TMC5: variants seen among roughly 807,000 people sequenced by gnomAD.
TMC5 encodes the protein transmembrane channel like 5.
TMC5 carries 86 observed loss-of-function variants against 110.5 expected under a neutral mutation model. The ratio of observed to expected loss-of-function variants is 0.78; its 90% CI spans 0.65 to 0.93. The LOEUF is 0.93. Among genes scored for constraint, TMC5 ranks in the 40% least tolerant of loss-of-function variants. The pLI, the probability that TMC5 is intolerant of heterozygous loss-of-function variation, is 0.00. For synonymous variants in TMC5, 455 were observed against 439.5 expected (o/e 1.04, Z -0.44); for missense variants, 1,144 against 1,222.8 (o/e 0.94, Z 0.96).
chr16:19,455,206 G>C, intron 5 of TMC5, among the ~76,000 whole-genome samples: 1 of 151,922 alleles, frequency 6.6e-6, no homozygotes, highest in South Asian at 2.1e-4. Flanking sequence ...TCAGCACTTT[G>C]GGAGGCTGAG....
At position 19,473,491 on chromosome 16, in the gene TMC5, C is replaced by T. The variant is rs778914104; in HGVS notation, c.1939-634C>T. Among the ~76,000 whole-genome samples the T allele has an allele frequency of 2.1e-4, 31 of 150,716 alleles. 1 individual carries two copies. The highest frequency in any genetic ancestry group is 3.7e-4 in the Non-Finnish European group (25 of 67,920). On this transcript the variant is annotated intron_variant, in intron 11 of 21. Transcript: ENST00000542583. Reference sequence around the variant, plus strand: ...CACTTATGCTAAACAGGAGGGAGCACATCCTCATTGCCCTGGGCATCTTGG... The same window carrying T: ...CACTTATGCTAAACAGGAGGGAGCATATCCTCATTGCCCTGGGCATCTTGG...
chr16:19,444,136 C>CCCGT lies in TMC5; in HGVS notation c.845_848dup (p.Gly284ArgfsTer9). ...CTCATTTCGTCACAGGAGTGATGAC[C>CCCGT]CCGTGGGCAGTCTTTGGGGAGAGAA... On this transcript the variant is annotated frameshift_variant, in exon 4 of 22. Transcript: ENST00000542583. LOFTEE classifies it high-confidence loss of function. The CCCGT allele has an allele frequency of 6.2e-7, 1 of 1,614,006 alleles. No homozygotes were observed. The highest frequency in any genetic ancestry group is 8.5e-7 in the Non-Finnish European group (1 of 1,179,982).
chr16:19,485,550 G>A (rs922124179), intron 15 of TMC5, among the ~76,000 whole-genome samples: 5 of 151,964 alleles, frequency 3.3e-5, no homozygotes, highest in Non-Finnish European at 2.9e-5. Flanking sequence ...TGCCCGCTTC[G>A]GCCTCCAAAA....
intron 4 of TMC5, among the ~76,000 whole-genome samples, chr16:19,447,199 C>T (rs1967634032): frequency 6.6e-6 from 1 of 152,146 alleles, no homozygotes; most frequent in Non-Finnish European, 1.5e-5. Context: ...GTGCTTGGCT[C>T]TACGTCATGG....
rs113749597 is a variant in TMC5 at position 19,494,710 on chromosome 16, G to A, written c.2931+344G>A. On this transcript the variant is annotated intron_variant, in intron 20 of 21. Transcript: ENST00000542583. ...TAGCCCCAGCTACTTGGGAGGCTGA[G>A]GCAGAAGAATTGCTTGAACCCAGGA... 5.4e-3 allele frequency among the ~76,000 whole-genome samples: 820 copies of A among 152,200 alleles called. 8 individuals carry two copies. The highest frequency in any genetic ancestry group is 0.018 in the African/African-American group (757 of 41,520).
At chr16:19,419,160 T>C (rs1476822265) in intron 1 of TMC5, among the ~76,000 whole-genome samples, 1 of 152,184 alleles carries the variant, frequency 6.6e-6, no homozygotes, top group Non-Finnish European at 1.5e-5. Flanking sequence ...TGGGTCTCAA[T>C]GTAATCATAA....
At chr16:19,463,739 A>G (rs550597314) in intron 7 of TMC5, 37 bp from the exon 8 acceptor site, 3 of 1,602,926 alleles carry the variant, frequency 1.9e-6, no homozygotes, top group African/African-American at 2.7e-5. Flanking sequence ...TTGTTGAGTC[A>G]ACAGCAAGCC....
chr16:19,468,898 G>A (rs1001771828), intron 9 of TMC5, among the ~76,000 whole-genome samples: 4 of 152,152 alleles, frequency 2.6e-5, no homozygotes, highest in East Asian at 1.9e-4. Flanking sequence ...AGGCTGTGGC[G>A]TGAGGATGGC....
chr16:19,432,628 C>T (rs551225575), intron 2 of TMC5, among the ~76,000 whole-genome samples: 5 of 152,284 alleles, frequency 3.3e-5, no homozygotes, highest in South Asian at 2.1e-4. Context: ...TTTCCCAATC[C>T]TTTTCTGTGG....
chr16:19,461,643 A>C (rs947186424), intron 6 of TMC5, among the ~76,000 whole-genome samples: 1 of 152,178 alleles, frequency 6.6e-6, no homozygotes, highest in African/African-American at 2.4e-5. Flanking sequence ...TAAGCTCAGG[A>C]ATTCAAAACC....
chr16:19,492,062 A>G, intron 18 of TMC5, 88 bp from the exon 19 acceptor site: 2 of 1,053,060 alleles, frequency 1.9e-6, no homozygotes, highest in Non-Finnish European at 1.5e-6. Flanking sequence ...ATCTGCAAGC[A>G]CAGATTCCAG....
At chr16:19,412,066 G>A (rs1221127882) in intron 1 of TMC5, among the ~76,000 whole-genome samples, 1 of 150,886 alleles carries the variant, frequency 6.6e-6, no homozygotes, top group Non-Finnish European at 1.5e-5. Flanking sequence ...ATCCTATAGG[G>A]TTTTTGTGGG....
chr16:19,443,532 T>C (rs2143480642), intron 3 of TMC5, among the ~76,000 whole-genome samples: 1 of 152,354 alleles, frequency 6.6e-6, no homozygotes, highest in South Asian at 2.1e-4. Context: ...CTCATAGCTG[T>C]GTCTAAGAAG....
chr16:19,472,891 G>T (rs944626420), intron 11 of TMC5, among the ~76,000 whole-genome samples: 1 of 152,160 alleles, frequency 6.6e-6, no homozygotes, highest in Non-Finnish European at 1.5e-5. Flanking sequence ...ATGCAGGGAG[G>T]ATATGGGAAT....
At chr16:19,473,886 A>G (rs1468434443) in intron 11 of TMC5, among the ~76,000 whole-genome samples, 2 of 152,144 alleles carry the variant, frequency 1.3e-5, no homozygotes, top group African/African-American at 4.8e-5. Context: ...AGGCTGAGGC[A>G]GGAGAACCAC....
In TMC5 at chr16:19,440,726, G is replaced by A. The variant is rs1194904446; in HGVS notation, c.688G>A (p.Asp230Asn). The change falls in exon 3 of 22, where the codon GAC becomes AAC. Residue 230 changes from aspartate to asparagine, a missense_variant. Asp to Asn is a conservative substitution (Grantham distance 23). Coordinates refer to ENST00000542583, the MANE Select transcript of TMC5 (RefSeq NM_001261841.2). The stretch of plus-strand genomic sequence containing the variant: ...GGAGCCAGACTATCCCAGTGCTGAG[G>A]ACAATCAGAACTTGCCAAGCACTTG... ...FGEPDYPSAE[D>N]NQNLPSTWRE... The A allele has an allele frequency of 6.2e-7, 1 of 1,614,010 alleles. No individual in the cohort carries two copies. Among genetic ancestry groups the A allele is most frequent in the Non-Finnish European group, 8.5e-7 (1 of 1,180,026 alleles).
At chr16:19,473,221 C>T (rs886417972) in intron 11 of TMC5, among the ~76,000 whole-genome samples, 1 of 151,734 alleles carries the variant, frequency 6.6e-6, no homozygotes, top group African/African-American at 2.4e-5. Context: ...TGGTGCACCC[C>T]TGTAATCCCA....
chr16:19,493,465 C>CTCTGTCT (rs71375644), intron 19 of TMC5, among the ~76,000 whole-genome samples: 17,339 of 74,688 alleles, frequency 0.23, 1,673 homozygotes, highest in East Asian at 0.51. Flanking sequence ...CTCTCTCTCT[C>CTCTGTCT]TTTTTTTTTT....
At position 19,497,104 on chromosome 16, in the gene TMC5, G is replaced by GT. The variant is rs1294856762; in HGVS notation, c.2932-10dup. On this transcript the variant is annotated splice_polypyrimidine_tract_variant and intron_variant, in intron 20 of 21. Coordinates refer to ENST00000542583, the MANE Select transcript of TMC5 (RefSeq NM_001261841.2). ...TTCTTCCTCCGTGACGTGGCTGCTT[G>GT]TTTTTTTCTTTTTCAGCAACAAGGC... 1.9e-6 allele frequency: 3 copies of GT among 1,613,652 alleles called. No homozygotes were observed. The highest frequency in any genetic ancestry group is 1.3e-5 in the African/African-American group (1 of 74,882).
Sources: allele counts gnomAD v4.1 joint callset (sites outside exome capture counted in the v4.1 genomes callset), GRCh38; gene constraint gnomAD v4.1.1; transcripts MANE v1.5; gene names NCBI Gene and HGNC (gene_info 2026-07-23, HGNC 2026-07-21).